The following CTNNA1 variants were observed in gnomAD, a reference collection of about 807,000 sequenced individuals.
The protein encoded by CTNNA1 is catenin alpha 1.
A neutral mutation model predicts 98.4 loss-of-function variants in CTNNA1; 37 were observed. The observed-to-expected ratio is 0.38, with a 90% confidence interval of 0.29 to 0.49. The LOEUF is 0.49. CTNNA1 is among the 20% of genes least tolerant of loss of function. The pLI, the probability that CTNNA1 is intolerant of heterozygous loss-of-function variation, is 0.95. For missense variants in CTNNA1, 761 were observed against 1,147.2 expected, an observed-to-expected ratio of 0.66 and a Z score of 4.86; for synonymous variants, 404 against 413.2, an observed-to-expected ratio of 0.98 and a Z score of 0.27.
chr5:138,758,464 G>T (rs1348375728), intron 1 of CTNNA1, among the ~76,000 whole-genome samples: 2 of 152,098 alleles, frequency 1.3e-5, no homozygotes. Flanking sequence ...TGCAACCTCT[G>T]CCTCCCGTGT....
At position 138,768,576 on chromosome 5, in the gene CTNNA1, T is replaced by G. The variant is rs908506788; in HGVS notation, c.-2-13347T>G. Among the ~76,000 whole-genome samples, 122 of 147,112 alleles carry G rather than the reference T, an allele frequency of 8.3e-4. 2 individuals carry two copies. The highest frequency in any genetic ancestry group is 2.9e-3 in the African/African-American group (115 of 39,662). On this transcript the variant is annotated intron_variant, in intron 1 of 17. Coordinates refer to ENST00000302763, the MANE Select transcript of CTNNA1 (RefSeq NM_001903.5). ...GGTGTCTGTTTTTTTTTTTTTTTTT[T>G]TTTTTTGAGATGGAGTCTTGCTGTG...
intron 5 of CTNNA1, among the ~76,000 whole-genome samples, chr5:138,821,545 G>A (rs1760045359): frequency 6.6e-6 from 1 of 152,076 alleles, no homozygotes; most frequent in Non-Finnish European, 1.5e-5. Flanking sequence ...TTTTTTAAGT[G>A]TAGCCATTTG....
rs749240690 is a variant in CTNNA1, at chr5:138,933,876, C to A, written c.2508C>A (p.Ser836=). The change falls in exon 18 of 18, where the codon TCC becomes TCA. Residue 836 remains serine (S), a synonymous_variant. Transcript: ENST00000302763. ...MNAVVQTVKA[S]YVASTKYQKS... is the part of the protein sequence containing the mutation. ...CTGTGGTGCAGACAGTGAAGGCATC[C>A]TACGTCGCCTCTACCAAATACCAAA... The A allele has an allele frequency of 4.0e-5, 65 of 1,613,970 alleles. No homozygotes were observed. The highest frequency in any genetic ancestry group is 5.4e-5 in the Non-Finnish European group (64 of 1,179,958).
rs1198180209 is a variant in CTNNA1 at position 138,812,418 on chromosome 5, TTAAAACATTTAAAC to T, written c.588+120_588+133del. 13 of 1,090,248 alleles carry T rather than the reference TTAAAACATTTAAAC, an allele frequency of 1.2e-5. No individual in the cohort carries two copies. In the East Asian group the frequency reaches 1.9e-4, roughly 16 times the overall value. The allele number at this position is 1,090,248 out of a possible 1,614,324, so 67.5% of individuals were successfully genotyped here. ...ACTTACCTTCGCCAATATAGTTCCA[TTAAAACATTTAAAC>T]TAAGGTGTCTTTTCAGTATTGTGCT... On this transcript the variant is annotated intron_variant, in intron 5 of 17. Coordinates refer to ENST00000302763, the MANE Select transcript of CTNNA1 (RefSeq NM_001903.5).
At chr5:138,823,310 A>G (rs1760225459) in intron 5 of CTNNA1, among the ~76,000 whole-genome samples, 1 of 152,190 alleles carries the variant, frequency 6.6e-6, no homozygotes, top group South Asian at 2.1e-4. Context: ...AGATGCCATC[A>G]TTAGTGGAAA....
At chr5:138,827,306 A>G (rs963830408) in intron 6 of CTNNA1, among the ~76,000 whole-genome samples, 19 of 152,240 alleles carry the variant, frequency 1.2e-4, no homozygotes, top group African/African-American at 4.3e-4. Context: ...GTTTGGCTAC[A>G]TAGCATTACT....
intron 7 of CTNNA1, among the ~76,000 whole-genome samples, chr5:138,860,300 A>G (rs1764141371): frequency 6.6e-6 from 1 of 152,166 alleles, no homozygotes; most frequent in Non-Finnish European, 1.5e-5. Context: ...GTTCTTCATA[A>G]TCTATCTGAT....
chr5:138,833,265 G>A (rs1403609816), intron 7 of CTNNA1, among the ~76,000 whole-genome samples: 3 of 152,182 alleles, frequency 2.0e-5, no homozygotes, highest in Admixed American at 2.0e-4. Context: ...ACTGGCGTTA[G>A]GGCTTATAAT....
intron 1 of CTNNA1, among the ~76,000 whole-genome samples, chr5:138,779,707 GT>G (rs1239025258): frequency 1.5e-5 from 1 of 68,020 alleles, no homozygotes. Flanking sequence ...GATAACACTG[GT>G]TTTTTTTTGT....
At chr5:138,840,836 G>A (rs1469649687) in intron 7 of CTNNA1, among the ~76,000 whole-genome samples, 2 of 152,008 alleles carry the variant, frequency 1.3e-5, no homozygotes, top group Non-Finnish European at 2.9e-5. Context: ...TGTGTGTTCG[G>A]TTTGTCTGCC....
At chr5:138,811,799 A>G (rs1465857245) in intron 4 of CTNNA1, among the ~76,000 whole-genome samples, 3 of 152,164 alleles carry the variant, frequency 2.0e-5, no homozygotes, top group African/African-American at 7.2e-5. Flanking sequence ...ACGCCTGCAA[A>G]TCGCAGGCAC....
chr5:138,908,455 G>C (rs1254230420), intron 10 of CTNNA1, among the ~76,000 whole-genome samples: 2 of 152,148 alleles, frequency 1.3e-5, no homozygotes, highest in African/African-American at 4.8e-5. Context: ...ATCATTTGAA[G>C]CCAGTATTTC....
At chr5:138,807,267 C>T (rs1370987327) in intron 3 of CTNNA1, among the ~76,000 whole-genome samples, 1 of 151,930 alleles carries the variant, frequency 6.6e-6, no homozygotes, top group East Asian at 1.9e-4. Context: ...CTCAGCCTCC[C>T]AAAGTCCTGG....
At chr5:138,768,416 A>ACCCAGCTAAG (rs1464212334) in intron 1 of CTNNA1, among the ~76,000 whole-genome samples, 1 of 147,376 alleles carries the variant, frequency 6.8e-6, no homozygotes, top group Admixed American at 6.8e-5. Context: ...ACACCACCAC[A>ACCCAGCTAAG]CCCAGCTAAG....
At chr5:138,878,871 G>A (rs546028656) in intron 7 of CTNNA1, among the ~76,000 whole-genome samples, 10 of 152,230 alleles carry the variant, frequency 6.6e-5, no homozygotes, top group Non-Finnish European at 1.3e-4. Flanking sequence ...TTTTGGAGGA[G>A]CATGTTAAAA....
At chr5:138,929,131 T>C (rs1216489933) in intron 13 of CTNNA1, 115 bp from the exon 14 acceptor site, 3 of 767,000 alleles carry the variant, frequency 3.9e-6, no homozygotes, top group Admixed American at 1.7e-5. Context: ...TTCAGAACAC[T>C]GCACATTAAA....
At chr5:138,893,540 A>G (rs1376757895) in intron 9 of CTNNA1, among the ~76,000 whole-genome samples, 3 of 151,502 alleles carry the variant, frequency 2.0e-5, no homozygotes, top group Non-Finnish European at 2.9e-5. Context: ...TTAAAATAAA[A>G]TATCTTTTCT....
chr5:138,932,559 A>C lies in CTNNA1; in HGVS notation c.2299-19A>C. ...GGGCCAGGCCAGGATACTTGGTGTT[A>C]AGCCTGCTCTCTCTTCAGTGCCCCG... On this transcript the variant is annotated intron_variant, in intron 16 of 17. Coordinates refer to ENST00000302763, the MANE Select transcript of CTNNA1 (RefSeq NM_001903.5). 6.2e-7 allele frequency: 1 copy of C among 1,613,702 alleles called. No homozygotes were observed. Among genetic ancestry groups the C allele is most frequent in the African/African-American group, 1.3e-5 (1 of 75,042 alleles).
chr5:138,839,174 C>T (rs1261251842), intron 7 of CTNNA1, among the ~76,000 whole-genome samples: 2 of 151,756 alleles, frequency 1.3e-5, no homozygotes, highest in Non-Finnish European at 2.9e-5. Flanking sequence ...CCAGTGCTAC[C>T]TTTGTAATGT....
Sources: gnomAD v4.1 joint callset for allele counts (sites outside exome capture counted in the v4.1 genomes callset) on GRCh38, gnomAD v4.1.1 for gene constraint, MANE v1.5 for transcripts, NCBI Gene and HGNC (gene_info 2026-07-23, HGNC 2026-07-21) for gene names.